Variants in HTRA3 observed in about 807,000 individuals in gnomAD.
The protein encoded by HTRA3 is HtrA serine peptidase 3.
A neutral mutation model predicts 43.2 loss-of-function variants in HTRA3; 41 were observed. The observed-to-expected ratio is 0.95, with a 90% CI of 0.74 to 1.23. The LOEUF (loss-of-function observed/expected upper bound fraction) is 1.23. Ranked by LOEUF, HTRA3 falls within the 50% of genes most tolerant of loss-of-function variation. HTRA3 has a pLI of 0.00. For synonymous variants in HTRA3, 295 were observed against 287.9 expected (o/e 1.02, Z -0.25); for missense variants, 628 against 647.1 (o/e 0.97, Z 0.32).
Position 8,270,256 on chromosome 4 carries a change from C to A in HTRA3, c.288C>A (p.Thr96=), listed in dbSNP as rs13134565. The change falls in exon 1 of 9, where the codon ACC becomes ACA. Residue 96 remains threonine, a synonymous_variant. Transcript: ENST00000307358. The part of the protein sequence containing the change: ...SHAVCGTDGH[T]YANVCALQAA... ...CCGTGTGTGGCACCGACGGGCACAC[C>A]TATGCCAACGTGTGCGCGCTGCAGG... 8.6e-6 allele frequency: 13 copies of A among 1,519,768 alleles called. No individual in the cohort carries two copies. The highest frequency in any genetic ancestry group is 1.0e-5 in the Non-Finnish European group (12 of 1,142,954). The allele number at this position is 1,519,768 out of a possible 1,614,324, so 94.1% of individuals were successfully genotyped here.
chr4:8,290,701 A>C (rs1713198288), intron 3 of HTRA3, among the ~76,000 whole-genome samples: 1 of 152,222 alleles, frequency 6.6e-6, no homozygotes. Flanking sequence ...CTTCTGGAAC[A>C]CAGAGCTTGG....
intron 6 of HTRA3, among the ~76,000 whole-genome samples, chr4:8,298,220 C>G (rs1323337135): frequency 2.6e-5 from 4 of 152,224 alleles, no homozygotes; most frequent in African/African-American, 7.2e-5. Flanking sequence ...AAATCCAAAG[C>G]CTTCCAGGGC....
chr4:8,295,617 C>T lies in HTRA3; in HGVS notation c.1051+1416C>T. 1 of 1,124,980 alleles carries T rather than the reference C, an allele frequency of 8.9e-7. No individual in the cohort carries two copies. Among genetic ancestry groups the T allele is most frequent in the Non-Finnish European group, 1.2e-6 (1 of 859,138 alleles). The allele number at this position is 1,124,980 out of a possible 1,614,324, so 69.7% of individuals were successfully genotyped here. On this transcript the variant is annotated intron_variant, in intron 6 of 8. Transcript: ENST00000307358. This position sits in a 1 kb window ranked among gnomAD's most constrained non-coding sequence, Gnocchi z 6.9. ...CTTCTCCCTCCTGCCATTGTGTCTC[C>T]TGTGCCCACCTCCTGGCCAACGCCC...
At chr4:8,272,320 G>A (rs886590125) in intron 1 of HTRA3, among the ~76,000 whole-genome samples, 1 of 152,168 alleles carries the variant, frequency 6.6e-6, no homozygotes, top group Non-Finnish European at 1.5e-5. Context: ...ACCATCGAGG[G>A]GACAGAAGGG....
At chr4:8,301,698 A>G (rs1007360839) in intron 6 of HTRA3, among the ~76,000 whole-genome samples, 1 of 152,182 alleles carries the variant, frequency 6.6e-6, no homozygotes, top group African/African-American at 2.4e-5. Context: ...CTACCTCTAC[A>G]ACCTACAAAT....
chr4:8,288,997 T>C (rs1421143921), intron 3 of HTRA3, among the ~76,000 whole-genome samples: 4 of 150,302 alleles, frequency 2.7e-5, no homozygotes, highest in Non-Finnish European at 4.4e-5. Context: ...TTGCCCAGGC[T>C]GGAGTGCAGT....
chr4:8,281,982 C>T (rs559257980), intron 1 of HTRA3, among the ~76,000 whole-genome samples: 1 of 152,304 alleles, frequency 6.6e-6, no homozygotes, highest in African/African-American at 2.4e-5. Flanking sequence ...GCTGTAGCCC[C>T]AGGGCTCGGA....
intron 2 of HTRA3, 47 bp downstream of exon 2, chr4:8,282,583 T>C (rs764815270): frequency 2.1e-6 from 3 of 1,405,650 alleles, no homozygotes; most frequent in East Asian, 2.3e-5. Context: ...TGTCCCCTGG[T>C]ACACCCGCCA....
rs181066963 is a variant in HTRA3, at chr4:8,301,615, C to T, written c.1052-848C>T. Among the ~76,000 whole-genome samples the T allele has an allele frequency of 9.6e-4, 146 of 152,150 alleles. 2 individuals are homozygous for T. The South Asian group carries it at 0.017, about 18-fold the overall frequency. On this transcript the variant is annotated intron_variant, in intron 6 of 8. Transcript: ENST00000307358. ...TTTGGTCTTTTTATAGTTTTTAAGA[C>T]GGAAACTGAGGTTATTGATTTGAGA... is the stretch of plus-strand genomic sequence containing the variant.
At chr4:8,304,823 T>C (rs954109002) in intron 8 of HTRA3, among the ~76,000 whole-genome samples, 3 of 151,826 alleles carry the variant, frequency 2.0e-5, no homozygotes, top group Non-Finnish European at 4.4e-5. Context: ...GCCCTGCTAA[T>C]TGTTTTTGTA....
At chr4:8,290,211 G>A (rs958918386) in intron 3 of HTRA3, among the ~76,000 whole-genome samples, 9 of 152,366 alleles carry the variant, frequency 5.9e-5, no homozygotes, top group African/African-American at 1.7e-4. Context: ...ACCAGCGCCC[G>A]CCCACCAAGG....
chr4:8,271,269 T>C (rs1182889243), intron 1 of HTRA3, among the ~76,000 whole-genome samples: 1 of 152,216 alleles, frequency 6.6e-6, no homozygotes, highest in East Asian at 1.9e-4. Flanking sequence ...AGTGTTTTCA[T>C]GGTGTAAAAA....
chr4:8,280,399 C>A (rs1416300525), intron 1 of HTRA3, among the ~76,000 whole-genome samples: 1 of 152,168 alleles, frequency 6.6e-6, no homozygotes, highest in Admixed American at 6.5e-5. Context: ...GAGCTCTGAA[C>A]CAGCTCCAAA....
At chr4:8,274,523 C>A (rs1003330712) in intron 1 of HTRA3, among the ~76,000 whole-genome samples, 7 of 152,362 alleles carry the variant, frequency 4.6e-5, no homozygotes, top group African/African-American at 1.7e-4. Context: ...GAGACGAGGG[C>A]CCATGTGATG....
At chr4:8,304,643 G>GTTTTTTGTGTTTTTTTT (rs1560144611) in intron 8 of HTRA3, among the ~76,000 whole-genome samples, 1 of 62,736 alleles carries the variant, frequency 1.6e-5, no homozygotes, top group African/African-American at 6.8e-5. Context: ...TCAGCCTATT[G>GTTTTTTGTGTTTTTTTT]TTTTTTTTTT....
intron 5 of HTRA3, 129 bp from the exon 6 acceptor site, chr4:8,293,956 GGA>G: frequency 1.6e-6 from 1 of 616,396 alleles, no homozygotes; most frequent in Non-Finnish European, 2.9e-6. Flanking sequence ...GCTTTTCAGG[GGA>G]GTTGGGGGCT....
In HTRA3 at chr4:8,296,036, T is replaced by G; in HGVS notation, c.1051+1835T>G. On this transcript the variant is annotated intron_variant, in intron 6 of 8. Transcript: ENST00000307358. The surrounding 1 kb of genome is among the most constrained non-coding windows in gnomAD (Gnocchi z 5.3). ...CCCAGACCTGTCCTAGCATGCTCCTTTCCCTAATGACCGAGTCTTTCCTGT... is the reference window on the plus strand; with the variant it reads ...CCCAGACCTGTCCTAGCATGCTCCTGTCCCTAATGACCGAGTCTTTCCTGT... 8.8e-7 allele frequency: 1 copy of G among 1,142,756 alleles called. No homozygotes were observed. Among genetic ancestry groups the G allele is most frequent in the Non-Finnish European group, 1.1e-6 (1 of 931,274 alleles). 70.8% of individuals were successfully genotyped at this position (1,142,756 alleles called of 1,614,324 possible).
chr4:8,291,388 T>A lies in HTRA3; in HGVS notation c.727T>A (p.Leu243Met). The A allele has an allele frequency of 6.2e-7, 1 of 1,613,590 alleles. No individual in the cohort carries two copies. Among genetic ancestry groups the A allele is most frequent in the Non-Finnish European group, 8.5e-7 (1 of 1,180,020 alleles). Residue 243 changes from leucine to methionine, a missense_variant, in exon 4 of 9, where the codon TTG (leucine) becomes ATG (methionine). Physicochemically the swap from Leu to Met is conservative, Grantham distance 15. Transcript: ENST00000307358. ...IHPKKKLPVL[L>M]LGHSADLRPG... The stretch of plus-strand genomic sequence containing the variant: ...CTCCTAGAAAAAGCTCCCTGTGTTG[T>A]TGCTGGGTCACTCGGCCGACCTGCG...
Position 8,296,237 on chromosome 4 carries a change from G to A in HTRA3, c.1051+2036G>A. Reference sequence around the variant, plus strand: ...TGAGACAGGATCCCCCTGGGGCCTAGGTTTGCTCCTTTGTTGTACAGGGGC... The same window carrying A: ...TGAGACAGGATCCCCCTGGGGCCTAAGTTTGCTCCTTTGTTGTACAGGGGC... On this transcript the variant is annotated intron_variant, in intron 6 of 8. Coordinates refer to ENST00000307358, the MANE Select transcript of HTRA3 (RefSeq NM_053044.5). This position sits in a 1 kb window ranked among gnomAD's most constrained non-coding sequence, Gnocchi z 5.3. 1 of 985,674 alleles carries A rather than the reference G, an allele frequency of 1.0e-6. No homozygotes were observed. Among genetic ancestry groups the A allele is most frequent in the Non-Finnish European group, 1.2e-6 (1 of 830,124 alleles). The allele number at this position is 985,674 out of a possible 1,614,324, so 61.1% of individuals were successfully genotyped here.
Sources: allele counts gnomAD v4.1 joint callset (sites outside exome capture counted in the v4.1 genomes callset), GRCh38; gene constraint gnomAD v4.1.1; non-coding constraint Gnocchi (gnomAD v3.1); transcripts MANE v1.5; gene names NCBI Gene and HGNC (gene_info 2026-07-23, HGNC 2026-07-21).